The following FAM76B variants were observed in gnomAD, a reference collection of about 807,000 sequenced individuals.
The protein encoded by FAM76B is protein FAM76B.
FAM76B carries 16 observed loss-of-function variants against 51.8 expected under a neutral mutation model. The ratio of observed to expected loss-of-function variants is 0.31; its 90% confidence interval spans 0.21 to 0.47. The LOEUF (loss-of-function observed/expected upper bound fraction) is 0.47. Ranked by LOEUF, FAM76B falls within the 20% of genes least tolerant of loss-of-function variation. FAM76B has a pLI of 1.00. For synonymous variants in FAM76B, 166 were observed against 129.5 expected (o/e 1.28, Z -1.91); for missense variants, 342 against 392.6 (o/e 0.87, Z 1.09).
chr11:95,780,001 A>C, intron 5 of FAM76B, 75 bp from the exon 6 acceptor site: 2 of 1,322,922 alleles, frequency 1.5e-6, no homozygotes, highest in South Asian at 1.4e-5. Context: ...TTCTTTCTCA[A>C]TGGATACAAA....
chr11:95,782,798 C>G (rs1037771979), intron 5 of FAM76B, among the ~76,000 whole-genome samples: 2 of 152,064 alleles, frequency 1.3e-5, no homozygotes, highest in African/African-American at 4.8e-5. Flanking sequence ...TGTTAATTAA[C>G]TGACGTACTT....
At chr11:95,779,568 A>G (rs749886473) in intron 7 of FAM76B, 39 bp downstream of exon 7, 2 of 1,515,024 alleles carry the variant, frequency 1.3e-6, no homozygotes. Context: ...CTATTCAACT[A>G]AGTTGAATTT....
chr11:95,788,827 G>A (rs1364420081), intron 1 of FAM76B: 2 of 1,444,352 alleles, frequency 1.4e-6, no homozygotes, highest in South Asian at 1.2e-5. Flanking sequence ...TTCAAGGATT[G>A]GTTAAATGTG....
At chr11:95,773,040 G>C (rs1263238626) in intron 9 of FAM76B, among the ~76,000 whole-genome samples, 1 of 151,022 alleles carries the variant, frequency 6.6e-6, no homozygotes, top group African/African-American at 2.4e-5. Context: ...GACTCAAAAA[G>C]ATCTCCACTA....
At position 95,789,560 on chromosome 11, in the gene FAM76B, G is replaced by GCCGCGGGCTCCTCCTCCTCCC. The variant is rs1860876082; in HGVS notation, c.-103_-83dup. 2 of 1,319,658 alleles carry GCCGCGGGCTCCTCCTCCTCCC rather than the reference G, an allele frequency of 1.5e-6. No homozygotes were observed. The highest frequency in any genetic ancestry group is 3.1e-5 in the African/African-American group (2 of 65,242). The allele number at this position is 1,319,658 out of a possible 1,614,324, so 81.7% of individuals were successfully genotyped here. ...GAACCCGAGAGCCGCCGCCGCCCGG[G>GCCGCGGGCTCCTCCTCCTCCC]CCGCGGGCTCCTCCTCCTCCCCCTC... is the stretch of plus-strand genomic sequence containing the variant. On this transcript the variant is annotated 5_prime_UTR_variant, in exon 1 of 10. Transcript: ENST00000358780.
rs1443142278 is a variant in FAM76B, at chr11:95,779,677, A to G, written c.622T>C (p.Ser208Pro). The G allele has an allele frequency of 6.2e-7, 1 of 1,609,972 alleles. No individual in the cohort carries two copies. Among genetic ancestry groups the G allele is most frequent in the East Asian group, 2.2e-5 (1 of 44,626 alleles). ...GGAGTTTCATTCTGAATTGTTGCAG[A>G]GGATTTATGGCTGAAACCAAACATT... ...QGLWKQSHKS[S>P]ATIQNETPKK... is the part of the protein sequence containing the mutation. Residue 208 changes from serine to proline, a missense_variant, in exon 7 of 10, where the codon TCT (serine) becomes CCT (proline). Physicochemically the swap from Ser to Pro is moderately conservative, Grantham distance 74. Around this residue, in one of 3 missense-constraint regions of FAM76B, gnomAD observed 230 missense variants for 257.4 expected, o/e 0.89. Transcript: ENST00000358780.
At chr11:95,778,674 T>C (rs971887282) in intron 8 of FAM76B, 148 bp downstream of exon 8, 1 of 928,072 alleles carries the variant, frequency 1.1e-6, no homozygotes, top group Non-Finnish European at 1.5e-6. Context: ...CTTCATTAGA[T>C]GGCTTCAGGG....
At chr11:95,776,834 G>T (rs57024610) in intron 8 of FAM76B, among the ~76,000 whole-genome samples, 1 of 150,972 alleles carries the variant, frequency 6.6e-6, no homozygotes, top group African/African-American at 2.4e-5. Flanking sequence ...AGCTTTAAAG[G>T]TTTACACATT....
chr11:95,782,971 T>C (rs1860354766), intron 5 of FAM76B, 94 bp downstream of exon 5: 1 of 1,490,324 alleles, frequency 6.7e-7, no homozygotes, highest in African/African-American at 1.4e-5. Flanking sequence ...GAAACTAGAC[T>C]AGCACATAGT....
intron 6 of FAM76B, 72 bp downstream of exon 6, chr11:95,779,807 C>T: frequency 6.4e-7 from 1 of 1,558,760 alleles, no homozygotes; most frequent in Non-Finnish European, 8.7e-7. Flanking sequence ...ACTTAAGTAA[C>T]AAAGTTGAAG....
chr11:95,787,575 G>A (rs758245074), intron 3 of FAM76B, 49 bp downstream of exon 3: 16 of 1,564,832 alleles, frequency 1.0e-5, no homozygotes, highest in Middle Eastern at 1.7e-4. Context: ...CCAGCTTTAT[G>A]AAAAATATTA....
intron 9 of FAM76B, among the ~76,000 whole-genome samples, chr11:95,773,967 TAA>T (rs577852928): frequency 2.0e-5 from 3 of 148,356 alleles, no homozygotes; most frequent in Non-Finnish European, 4.5e-5. Flanking sequence ...TACATAAAGA[TAA>T]AAAAAAAATT....
intron 1 of FAM76B, chr11:95,788,960 G>A (rs773796957): frequency 5.2e-6 from 7 of 1,347,732 alleles, no homozygotes; most frequent in South Asian, 2.5e-5. Flanking sequence ...GGACAGGGAA[G>A]AAGGATGCCA....
At chr11:95,781,227 G>A (rs917200272) in intron 5 of FAM76B, among the ~76,000 whole-genome samples, 2 of 151,940 alleles carry the variant, frequency 1.3e-5, no homozygotes, top group African/African-American at 4.8e-5. Context: ...TCTGAGGGTT[G>A]TCCATTCCTA....
chr11:95,779,379 T>G (rs1420425763), intron 7 of FAM76B: 1 of 558,254 alleles, frequency 1.8e-6, no homozygotes, highest in Non-Finnish European at 3.0e-6. Flanking sequence ...AATTTGTTTC[T>G]TCAAAACCCA....
At chr11:95,786,348 G>A (rs1163638254) in intron 3 of FAM76B, 74 bp from the exon 4 acceptor site, 3 of 1,469,632 alleles carry the variant, frequency 2.0e-6, no homozygotes, top group Non-Finnish European at 2.7e-6. Context: ...CAGTGTTGTA[G>A]ACATATTTCT....
intron 8 of FAM76B, among the ~76,000 whole-genome samples, chr11:95,776,911 T>C (rs1399563537): frequency 6.6e-6 from 1 of 151,048 alleles, no homozygotes. Context: ...GAGAAAATCA[T>C]GGAGTCTTAT....
chr11:95,786,989 TGAG>T (rs2120303509), intron 3 of FAM76B, among the ~76,000 whole-genome samples: 1 of 152,316 alleles, frequency 6.6e-6, no homozygotes, highest in African/African-American at 2.4e-5. Flanking sequence ...AAAATAGTTC[TGAG>T]GAGGCTGTTC....
chr11:95,783,382 G>A (rs943880256), intron 4 of FAM76B, 118 bp from the exon 5 acceptor site: 5 of 744,582 alleles, frequency 6.7e-6, no homozygotes, highest in Non-Finnish European at 1.1e-5. Context: ...ACAAATGCAT[G>A]TATGCACATA....
Sources: gnomAD v4.1 joint callset for allele counts (sites outside exome capture counted in the v4.1 genomes callset) on GRCh38, gnomAD v4.1.1 for gene constraint, gnomAD v4.1.1 regional missense constraint, MANE v1.5 for transcripts, NCBI Gene and HGNC (gene_info 2026-07-23, HGNC 2026-07-21) for gene names.